The following MACROD1 variants were observed in gnomAD, a reference collection of about 807,000 sequenced individuals.
MACROD1 encodes ADP-ribose glycohydrolase MACROD1.
A neutral mutation model predicts 41.4 loss-of-function variants in MACROD1; 31 were observed. The ratio of observed to expected loss-of-function variants is 0.75; its 90% CI spans 0.56 to 1.01. The LOEUF (loss-of-function observed/expected upper bound fraction) is 1.01, where lower values mean the gene tolerates loss of function less well. Ranked by LOEUF, MACROD1 falls within the 50% of genes least tolerant of loss-of-function variation. The pLI is 0.00. For missense variants in MACROD1, 473 were observed against 460.0 expected (o/e 1.03, Z -0.26); for synonymous variants, 252 against 203.4 (o/e 1.24, Z -2.03).
chr11:64,000,517 T>C (rs1473141280), intron 4 of MACROD1, among the ~76,000 whole-genome samples, 174 bp from the exon 5 acceptor site: 1 of 145,138 alleles, frequency 6.9e-6, no homozygotes, highest in African/African-American at 2.5e-5. Flanking sequence ...ATGTTTCACA[T>C]CTGGGGAAAC....
rs1225073096 is a variant in MACROD1, at chr11:64,067,596, C to T, written c.518-52315G>A. On this transcript the variant is annotated intron_variant, in intron 3 of 10. Transcript: ENST00000255681. The surrounding 1 kb of genome is among the most constrained non-coding windows in gnomAD (Gnocchi z 4.6). ...ACCCAGGCTTGTCTCCCTCCTGTCC[C>T]TAGGTGGGTGACGCACCAACATGCC... Among the ~76,000 whole-genome samples, 2 of 152,104 alleles carry T rather than the reference C, an allele frequency of 1.3e-5. No individual in the cohort carries two copies. The highest frequency in any genetic ancestry group is 4.8e-5 in the African/African-American group (2 of 41,414).
intron 3 of MACROD1, among the ~76,000 whole-genome samples, chr11:64,137,021 G>A (rs1046661966): frequency 1.3e-5 from 2 of 152,346 alleles, no homozygotes; most frequent in African/African-American, 2.4e-5. Flanking sequence ...TTCCTAAGGC[G>A]AGACGAATCT....
chr11:64,077,536 G>A (rs1944224588), intron 3 of MACROD1, among the ~76,000 whole-genome samples: 1 of 152,118 alleles, frequency 6.6e-6, no homozygotes, highest in Non-Finnish European at 1.5e-5. Context: ...ATGTGGGAAG[G>A]TGAGGGGCGG....
chr11:64,059,474 GCATCCCATGCCCTTC>G (rs1343988553), intron 3 of MACROD1, among the ~76,000 whole-genome samples: 1 of 152,188 alleles, frequency 6.6e-6, no homozygotes, highest in Non-Finnish European at 1.5e-5. Context: ...TTCTGAGAGG[GCATCCCATGCCCTTC>G]CACAGGCTGA....
chr11:64,038,383 G>A (rs1276319349), intron 3 of MACROD1, among the ~76,000 whole-genome samples: 1 of 152,236 alleles, frequency 6.6e-6, no homozygotes, highest in Non-Finnish European at 1.5e-5. Context: ...GCGTGTGGGT[G>A]CAGGGAAGGG....
Position 64,121,794 on chromosome 11 carries a change from C to T in MACROD1, c.517+29445G>A, listed in dbSNP as rs540575217. ...CACAGCCTCTAAGTAGCCAGAATAACCTCAGCGGCCCCAGCACTGATGAGT... is the reference window on the plus strand; with the variant it reads ...CACAGCCTCTAAGTAGCCAGAATAATCTCAGCGGCCCCAGCACTGATGAGT... On this transcript the variant is annotated intron_variant, in intron 3 of 10. Coordinates refer to ENST00000255681, the MANE Select transcript of MACROD1 (RefSeq NM_014067.4). 3.9e-5 allele frequency among the ~76,000 whole-genome samples: 6 copies of T among 152,302 alleles called. No homozygotes were observed. In the East Asian group the frequency reaches 1.2e-3, roughly 29 times the overall value.
intron 3 of MACROD1, among the ~76,000 whole-genome samples, chr11:64,121,164 T>C (rs1945091687): frequency 1.3e-5 from 2 of 151,764 alleles, no homozygotes; most frequent in Admixed American, 1.3e-4. Flanking sequence ...AGTGATGAGC[T>C]TTCCTCCCCT....
At chr11:64,125,036 GCTT>G (rs1233453018) in intron 3 of MACROD1, among the ~76,000 whole-genome samples, 1 of 152,156 alleles carries the variant, frequency 6.6e-6, no homozygotes, top group Non-Finnish European at 1.5e-5. Flanking sequence ...GACAGCTCCT[GCTT>G]CTGGTACCTG....
chr11:64,009,728 C>T (rs1942970812), intron 4 of MACROD1, among the ~76,000 whole-genome samples: 1 of 152,130 alleles, frequency 6.6e-6, no homozygotes, highest in Non-Finnish European at 1.5e-5. Context: ...CCTTTAGCCC[C>T]AGCAGCCCCT....
chr11:64,042,803 C>G (rs1398716267), intron 3 of MACROD1, among the ~76,000 whole-genome samples: 3 of 152,216 alleles, frequency 2.0e-5, no homozygotes, highest in Non-Finnish European at 4.4e-5. Flanking sequence ...CACCATGGCT[C>G]TGAGCCCTGA....
chr11:64,128,704 T>C (rs1945222753), intron 3 of MACROD1, among the ~76,000 whole-genome samples: 2 of 151,306 alleles, frequency 1.3e-5, no homozygotes, highest in Non-Finnish European at 2.9e-5. Context: ...CCAGTGTGGC[T>C]TAGACTTCAG....
intron 3 of MACROD1, among the ~76,000 whole-genome samples, chr11:64,078,284 C>A (rs1288271671): frequency 6.6e-6 from 1 of 152,214 alleles, no homozygotes; most frequent in East Asian, 1.9e-4. Flanking sequence ...AGGCATGAGA[C>A]CCCTGCCCTG....
intron 3 of MACROD1, among the ~76,000 whole-genome samples, chr11:64,050,657 C>T (rs564042653): frequency 3.3e-5 from 5 of 152,348 alleles, no homozygotes; most frequent in Middle Eastern, 3.4e-3. Context: ...TCACTCTTGT[C>T]GCCCAGGCTG....
At chr11:64,143,381 C>T (rs1266060162) in intron 3 of MACROD1, among the ~76,000 whole-genome samples, 1 of 152,088 alleles carries the variant, frequency 6.6e-6, no homozygotes, top group Non-Finnish European at 1.5e-5. Context: ...AGACACGAGG[C>T]AACGTGTGCA....
At chr11:64,100,846 C>T (rs1178663405) in intron 3 of MACROD1, among the ~76,000 whole-genome samples, 5 of 152,112 alleles carry the variant, frequency 3.3e-5, no homozygotes, top group Non-Finnish European at 7.4e-5. Flanking sequence ...GCTCTGCAGG[C>T]CCCAGGGAAG....
chr11:64,036,388 G>A lies in MACROD1; in HGVS notation c.518-21107C>T, dbSNP rs1297647797. ...GTAGCGGTGGCGCTGGCCCCGCCGC[G>A]GGGAGGCGCGGGGTGCGCGGCCGGC... On this transcript the variant is annotated intron_variant, in intron 3 of 10. Transcript: ENST00000255681. This position sits in a 1 kb window ranked among gnomAD's most constrained non-coding sequence, Gnocchi z 5.6. Among the ~76,000 whole-genome samples the A allele has an allele frequency of 6.6e-6, 1 of 152,168 alleles. No homozygotes were observed. Among genetic ancestry groups the A allele is most frequent in the Non-Finnish European group, 1.5e-5 (1 of 68,014 alleles).
intron 3 of MACROD1, chr11:64,148,672 C>A: frequency 2.2e-6 from 2 of 927,120 alleles, no homozygotes; most frequent in Non-Finnish European, 1.3e-6. Context: ...CTGCTTGAAA[C>A]TTTACATATG....
intron 3 of MACROD1, among the ~76,000 whole-genome samples, chr11:64,144,216 G>A (rs1482678382): frequency 1.3e-5 from 2 of 151,888 alleles, no homozygotes; most frequent in African/African-American, 4.8e-5. Context: ...TTCTGACTTA[G>A]CACCCCGTCC....
rs752418632 is a variant in MACROD1 at position 64,118,113 on chromosome 11, G to A, written c.517+33126C>T. 5.6e-6 allele frequency: 9 copies of A among 1,612,024 alleles called. No homozygotes were observed. The highest frequency in any genetic ancestry group is 2.2e-5 in the South Asian group (2 of 91,018). The stretch of plus-strand genomic sequence containing the variant: ...GGATAACTCCATCCTGGAAATCCGC[G>A]GCCCTGGGCTGCAGATGCTGCCCAT... On this transcript the variant is annotated intron_variant, in intron 3 of 10. Transcript: ENST00000255681.
Sources: gnomAD v4.1 joint callset for allele counts (sites outside exome capture counted in the v4.1 genomes callset) on GRCh38, gnomAD v4.1.1 for gene constraint, Gnocchi (gnomAD v3.1) non-coding constraint, MANE v1.5 for transcripts, NCBI Gene and HGNC (gene_info 2026-07-23, HGNC 2026-07-21) for gene names.